PBX1: variants seen among roughly 807,000 people sequenced by gnomAD.
PBX1 encodes the protein PBX homeobox 1.
A neutral mutation model predicts 53.4 loss-of-function variants in PBX1; 6 were observed. The ratio of observed to expected loss-of-function variants is 0.11; its 90% confidence interval spans 0.06 to 0.22. The LOEUF (loss-of-function observed/expected upper bound fraction) is 0.22. PBX1 is among the 10% of genes least tolerant of loss of function. The probability of loss-of-function intolerance (pLI) is 1.00; values close to 1 mark genes in which losing one functional copy is unlikely to be tolerated. For synonymous variants in PBX1, 204 were observed against 212.3 expected, an observed-to-expected ratio of 0.96 and a Z score of 0.34; for missense variants, 251 against 551.4, an observed-to-expected ratio of 0.46 and a Z score of 5.46.
At chr1:164,586,145 CA>C (rs1289865760) in intron 2 of PBX1, among the ~76,000 whole-genome samples, 1 of 152,208 alleles carries the variant, frequency 6.6e-6, no homozygotes, top group Non-Finnish European at 1.5e-5. Context: ...TGGGCACACA[CA>C]TCTTATGTTT....
At chr1:164,620,730 T>C (rs1165468105) in intron 2 of PBX1, among the ~76,000 whole-genome samples, 1 of 152,096 alleles carries the variant, frequency 6.6e-6, no homozygotes, top group Non-Finnish European at 1.5e-5. Context: ...TCACCCAGGC[T>C]GGAGTGCAGT....
intron 2 of PBX1, among the ~76,000 whole-genome samples, chr1:164,638,279 G>A (rs531715428): frequency 6.6e-6 from 1 of 152,218 alleles, no homozygotes; most frequent in African/African-American, 2.4e-5. Context: ...TCTATGGGTC[G>A]CTCTCTGCCC....
chr1:164,736,161 T>A lies in PBX1; in HGVS notation c.266-56333T>A, dbSNP rs61104010. 7.3e-3 allele frequency among the ~76,000 whole-genome samples: 1,105 copies of A among 152,192 alleles called. 20 individuals are homozygous for A. The highest frequency in any genetic ancestry group is 0.025 in the African/African-American group (1,049 of 41,524). ...TCTTCCCACTGCAGCCCCTCTCCCC[T>A]CCCTTCACCCTGACTACTTCATTAC... On this transcript the variant is annotated intron_variant, in intron 2 of 8. Coordinates refer to ENST00000420696, the MANE Select transcript of PBX1 (RefSeq NM_002585.4).
intron 2 of PBX1, chr1:164,641,604 A>T (rs1001415277): frequency 4.6e-5 from 7 of 152,344 alleles, no homozygotes; most frequent in African/African-American, 1.7e-4. Context: ...TCAGCTATTC[A>T]CTACAGAGGC....
intron 2 of PBX1, among the ~76,000 whole-genome samples, chr1:164,654,949 T>G (rs1660058846): frequency 6.6e-6 from 1 of 152,138 alleles, no homozygotes; most frequent in Non-Finnish European, 1.5e-5. Flanking sequence ...CAGCATGTGA[T>G]GGGAATGGAA....
chr1:164,676,621 C>T (rs1661446828), intron 2 of PBX1, among the ~76,000 whole-genome samples: 1 of 152,140 alleles, frequency 6.6e-6, no homozygotes, highest in African/African-American at 2.4e-5. Context: ...ATAATTGAAG[C>T]GTTTAAGAGG....
intron 2 of PBX1, chr1:164,884,453 T>C (rs907180090): frequency 4.9e-5 from 19 of 390,732 alleles, no homozygotes; most frequent in Non-Finnish European, 9.6e-5. Flanking sequence ...ATCGGTCAAT[T>C]TGACTCTTTG....
chr1:164,559,528 A>C lies in PBX1; in HGVS notation c.-295A>C. On this transcript the variant is annotated 5_prime_UTR_variant, in exon 1 of 9. Coordinates refer to ENST00000420696, the MANE Select transcript of PBX1 (RefSeq NM_002585.4). ...TCTGATTTCTTTTCGCCAAGTGGGA[A>C]GGTGGTTTATTTTTCTTGCTTTTTG... 2.9e-6 allele frequency: 1 copy of C among 343,382 alleles called. No homozygotes were observed. The highest frequency in any genetic ancestry group is 5.2e-6 in the Non-Finnish European group (1 of 191,148). 21.3% of individuals were successfully genotyped at this position (343,382 alleles called of 1,614,324 possible). A position where few individuals can be genotyped will look rare whatever the true frequency, so the allele number is the denominator to read the frequency against.
intron 2 of PBX1, among the ~76,000 whole-genome samples, chr1:164,619,976 C>G (rs1372494939): frequency 6.6e-6 from 1 of 151,952 alleles, no homozygotes; most frequent in Non-Finnish European, 1.5e-5. Flanking sequence ...GAGTTTGAGA[C>G]CAGCCTAAGC....
At chr1:164,859,286 G>C (rs1299913184) in intron 2 of PBX1, among the ~76,000 whole-genome samples, 1 of 152,142 alleles carries the variant, frequency 6.6e-6, no homozygotes, top group Non-Finnish European at 1.5e-5. Context: ...TATGGGGATA[G>C]AACAGTGGCC....
intron 2 of PBX1, among the ~76,000 whole-genome samples, chr1:164,692,773 A>G (rs1662568420): frequency 6.6e-6 from 1 of 152,232 alleles, no homozygotes; most frequent in Non-Finnish European, 1.5e-5. Flanking sequence ...CAAAAATAAT[A>G]TTAAAATCAA....
intron 8 of PBX1, chr1:164,829,936 A>G (rs1670669355): frequency 1.3e-5 from 2 of 152,180 alleles, no homozygotes; most frequent in South Asian, 4.1e-4. Flanking sequence ...GTTTTTCAAA[A>G]TAAACATCTT....
chr1:164,761,528 T>C (rs1313940826), intron 2 of PBX1, among the ~76,000 whole-genome samples: 3 of 152,086 alleles, frequency 2.0e-5, no homozygotes, highest in Non-Finnish European at 4.4e-5. Flanking sequence ...CACTGCAAGC[T>C]CCGCCTCCCA....
intron 2 of PBX1, among the ~76,000 whole-genome samples, chr1:164,778,560 G>A (rs1411008776): frequency 2.6e-5 from 4 of 151,744 alleles, no homozygotes; most frequent in African/African-American, 4.8e-5. Context: ...TTGCTTGGAC[G>A]TGGGAGGTCG....
intron 2 of PBX1, among the ~76,000 whole-genome samples, chr1:164,653,292 A>G (rs565540535): frequency 6.7e-6 from 1 of 149,696 alleles, no homozygotes; most frequent in Non-Finnish European, 1.5e-5. Flanking sequence ...CCTCCTTATT[A>G]TCGAGTGGTA....
At chr1:164,727,604 T>C (rs1664765400) in intron 2 of PBX1, among the ~76,000 whole-genome samples, 1 of 152,162 alleles carries the variant, frequency 6.6e-6, no homozygotes, top group Non-Finnish European at 1.5e-5. Context: ...CTTGAGTTGA[T>C]TTGGGGCAAA....
chr1:164,813,131 T>C (rs1393235293), intron 6 of PBX1: 11 of 152,180 alleles, frequency 7.2e-5, no homozygotes, highest in Non-Finnish European at 8.8e-5. Flanking sequence ...GTTTGTCCAC[T>C]AAAATAAGTT....
chr1:164,691,648 G>A (rs1188615044), intron 2 of PBX1, among the ~76,000 whole-genome samples: 3 of 152,130 alleles, frequency 2.0e-5, no homozygotes, highest in African/African-American at 7.2e-5. Flanking sequence ...AGGCAACCTT[G>A]GCTTTTCTCA....
intron 2 of PBX1, among the ~76,000 whole-genome samples, chr1:164,788,386 GTTT>G (rs59857388): frequency 3.1e-4 from 43 of 140,230 alleles, no homozygotes; most frequent in African/African-American, 8.8e-4. Context: ...TAATGTTGGT[GTTT>G]TTTTTTTTTT....
Sources: gnomAD v4.1 joint callset for allele counts (sites outside exome capture counted in the v4.1 genomes callset) on GRCh38, gnomAD v4.1.1 for gene constraint, MANE v1.5 for transcripts, NCBI Gene and HGNC (gene_info 2026-07-23, HGNC 2026-07-21) for gene names.